SNX29: variants seen among roughly 807,000 people sequenced by gnomAD.
SNX29 encodes the protein sorting nexin-29.
A neutral mutation model predicts 102.1 loss-of-function variants in SNX29; 78 were observed. That is an observed-to-expected ratio of 0.76 (90% CI 0.64 to 0.92). The LOEUF (loss-of-function observed/expected upper bound fraction) is 0.92, where lower values mean the gene tolerates loss of function less well. Ranked by LOEUF, SNX29 falls within the 40% of genes least tolerant of loss-of-function variation. The pLI, the probability that SNX29 is intolerant of heterozygous loss-of-function variation, is 0.00. For missense variants in SNX29, 1,280 were observed against 1,061.7 expected (o/e 1.21, Z -2.86); for synonymous variants, 580 against 414.5 (o/e 1.40, Z -4.85).
At chr16:12,123,665 C>A (rs574162153) in intron 11 of SNX29, among the ~76,000 whole-genome samples, 1 of 152,146 alleles carries the variant, frequency 6.6e-6, no homozygotes, top group Admixed American at 6.5e-5. Flanking sequence ...GCCAGCGGCC[C>A]CAACTGATTG....
chr16:12,440,193 TTC>T (rs1318515443), intron 18 of SNX29, among the ~76,000 whole-genome samples: 2 of 152,236 alleles, frequency 1.3e-5, no homozygotes, highest in Admixed American at 6.5e-5. Flanking sequence ...AGCTTCAGCC[TTC>T]TCTCTTTCTC....
At position 12,572,942 on chromosome 16, in the gene SNX29, T is replaced by TGC. The variant is rs1324330818; in HGVS notation, c.*4314_*4315dup. On this transcript the variant is annotated 3_prime_UTR_variant, in exon 21 of 21. Transcript: ENST00000566228. ...GGAGTGTTTCTTCAAGGCAGGCATCTGCTTATGAGCAAGGTCAAAGATTTT... is the reference window on the plus strand; with the variant it reads ...GGAGTGTTTCTTCAAGGCAGGCATCTGCGCTTATGAGCAAGGTCAAAGATTTT... 1 of 750,738 alleles carries TGC rather than the reference T, an allele frequency of 1.3e-6. No individual in the cohort carries two copies. The highest frequency in any genetic ancestry group is 1.7e-6 in the Non-Finnish European group (1 of 592,754). The allele number at this position is 750,738 out of a possible 1,614,324, so 46.5% of individuals were successfully genotyped here.
Position 12,483,319 on chromosome 16 carries a change from C to CTTTT in SNX29, c.2178+5472_2178+5475dup, listed in dbSNP as rs71139599. Among the ~76,000 whole-genome samples, 402 of 134,758 alleles carry CTTTT rather than the reference C, an allele frequency of 3.0e-3. 3 individuals are homozygous for CTTTT. Among genetic ancestry groups the CTTTT allele is most frequent in the African/African-American group, 4.4e-3 (158 of 36,214 alleles). The allele number at this position is 134,758 out of a possible 152,430, so 88.4% of individuals were successfully genotyped here. On this transcript the variant is annotated intron_variant, in intron 19 of 20. Coordinates refer to ENST00000566228, the MANE Select transcript of SNX29 (RefSeq NM_032167.5). ...CCACTGCACCTGGCCATTTACTTTTCTTTTTTTTTTTTTTTCCAGACGGAG... is the reference window on the plus strand; with the variant it reads ...CCACTGCACCTGGCCATTTACTTTTCTTTTTTTTTTTTTTTTTTTCCAGACGGAG...
intron 20 of SNX29, among the ~76,000 whole-genome samples, chr16:12,558,703 C>T (rs571769276): frequency 4.6e-5 from 7 of 152,168 alleles, no homozygotes; most frequent in South Asian, 4.1e-4. Flanking sequence ...CACCCCCATC[C>T]CGTTTCTACG....
chr16:12,406,518 A>G (rs1222431197), intron 18 of SNX29, among the ~76,000 whole-genome samples: 1 of 152,246 alleles, frequency 6.6e-6, no homozygotes, highest in East Asian at 1.9e-4. Flanking sequence ...CAAGACATGT[A>G]GCTTTCTCAG....
intron 13 of SNX29, among the ~76,000 whole-genome samples, chr16:12,141,922 C>T (rs1257966696): frequency 6.6e-6 from 1 of 152,210 alleles, no homozygotes; most frequent in Non-Finnish European, 1.5e-5. Context: ...CCTGGGAATG[C>T]AGCTCAGTGG....
In SNX29 at chr16:12,309,803, G is replaced by T. The variant is rs548054528; in HGVS notation, c.1782+31767G>T. Among the ~76,000 whole-genome samples the T allele has an allele frequency of 1.5e-3, 223 of 152,280 alleles. 2 individuals carry two copies. Among genetic ancestry groups the T allele is most frequent in the Non-Finnish European group, 5.4e-4 (37 of 68,026 alleles). ...ATTGGAAGGGTTTCCTTTAGAAAGG[G>T]CAGTGGAGTTGAAGGCACCTGCGTA... On this transcript the variant is annotated intron_variant, in intron 15 of 20. Coordinates refer to ENST00000566228, the MANE Select transcript of SNX29 (RefSeq NM_032167.5).
intron 18 of SNX29, among the ~76,000 whole-genome samples, chr16:12,426,154 T>C (rs998664208): frequency 6.6e-6 from 1 of 152,220 alleles, no homozygotes; most frequent in African/African-American, 2.4e-5. Flanking sequence ...GGCTAAGTTA[T>C]ACTGTTGTGA....
chr16:12,321,721 C>T (rs77446409), intron 15 of SNX29, among the ~76,000 whole-genome samples: 9,355 of 152,072 alleles, frequency 0.062, 757 homozygotes, highest in East Asian at 0.38. Flanking sequence ...TATGAGGGCC[C>T]CGGGGAGAAG....
At chr16:12,482,664 T>C (rs552573461) in intron 19 of SNX29, among the ~76,000 whole-genome samples, 1 of 152,228 alleles carries the variant, frequency 6.6e-6, no homozygotes, top group Non-Finnish European at 1.5e-5. Context: ...AATGACTCAC[T>C]GCAGAATCCA....
chr16:12,031,838 A>G (rs534891160), intron 4 of SNX29, among the ~76,000 whole-genome samples: 1 of 151,984 alleles, frequency 6.6e-6, no homozygotes, highest in Non-Finnish European at 1.5e-5. Flanking sequence ...CAAAAAAAAA[A>G]TTGGTAAAAT....
At position 12,542,614 on chromosome 16, in the gene SNX29, G is replaced by C. The variant is rs114016673; in HGVS notation, c.2318+17773G>C. On this transcript the variant is annotated intron_variant, in intron 20 of 20. Transcript: ENST00000566228. ...CCCAAAGTGCTGGGATTACAGGCGT[G>C]AGCCACGGCACCCAGTGTGGGTCTA... Among the ~76,000 whole-genome samples, 507 of 152,372 alleles carry C rather than the reference G, an allele frequency of 3.3e-3. 6 individuals carry two copies. Among genetic ancestry groups the C allele is most frequent in the African/African-American group, 0.011 (446 of 41,584 alleles).
chr16:12,233,875 G>A (rs1401709729), intron 14 of SNX29, among the ~76,000 whole-genome samples: 1 of 152,010 alleles, frequency 6.6e-6, no homozygotes, highest in Non-Finnish European at 1.5e-5. Flanking sequence ...TTTGTGATAG[G>A]TTTCCTTCAT....
At chr16:12,455,306 G>A (rs1454875994) in intron 18 of SNX29, among the ~76,000 whole-genome samples, 1 of 152,102 alleles carries the variant, frequency 6.6e-6, no homozygotes, top group Admixed American at 6.5e-5. Flanking sequence ...TTTTGGCTGG[G>A]ACTTCCAGAC....
At chr16:12,388,620 T>G (rs2083416902) in intron 16 of SNX29, among the ~76,000 whole-genome samples, 1 of 152,248 alleles carries the variant, frequency 6.6e-6, no homozygotes, top group African/African-American at 2.4e-5. Flanking sequence ...ACTTTGCTGA[T>G]GCAGCCTGAA....
In SNX29 at chr16:12,356,290, C is replaced by G. The variant is rs2082133850; in HGVS notation, c.1899+11C>G. 1 of 1,585,244 alleles carries G rather than the reference C, an allele frequency of 6.3e-7. No homozygotes were observed. Among genetic ancestry groups the G allele is most frequent in the Non-Finnish European group, 8.6e-7 (1 of 1,165,986 alleles). On this transcript the variant is annotated intron_variant, in intron 16 of 20. Coordinates refer to ENST00000566228, the MANE Select transcript of SNX29 (RefSeq NM_032167.5). ...GATCTCCGGGGACCGGTGAGTGTTT[C>G]CCCAACCCTGTGTGTCTGTCAAGCC... is the stretch of plus-strand genomic sequence containing the variant.
chr16:12,337,332 G>T (rs745720858), intron 15 of SNX29, among the ~76,000 whole-genome samples: 2 of 151,926 alleles, frequency 1.3e-5, no homozygotes, highest in Admixed American at 6.6e-5. Context: ...TATGCAATGC[G>T]ATGGGTGTTT....
intron 19 of SNX29, among the ~76,000 whole-genome samples, chr16:12,492,655 T>C (rs1019842913): frequency 2.0e-5 from 3 of 152,256 alleles, no homozygotes; most frequent in Non-Finnish European, 4.4e-5. Context: ...AGGGTTTTTA[T>C]GGTTTTAGGT....
rs996833437 is a variant in SNX29 at position 12,114,283 on chromosome 16, G to A, written c.1403-12350G>A. 2.0e-5 allele frequency among the ~76,000 whole-genome samples: 3 copies of A among 152,306 alleles called. No individual in the cohort carries two copies. The East Asian group carries it at 5.8e-4, about 29-fold the overall frequency. ...GCAAGTAGGCGTCCCTGGATCCCAG[G>A]GTTGGATGGTTTTCAGGTCTACCCC... is the stretch of plus-strand genomic sequence containing the variant. On this transcript the variant is annotated intron_variant, in intron 11 of 20. Transcript: ENST00000566228.
Sources: allele counts gnomAD v4.1 joint callset (sites outside exome capture counted in the v4.1 genomes callset), GRCh38; gene constraint gnomAD v4.1.1; transcripts MANE v1.5; gene names NCBI Gene and HGNC (gene_info 2026-07-23, HGNC 2026-07-21).